AGAP1: variants seen among roughly 807,000 people sequenced by gnomAD.
AGAP1 encodes the protein arf-GAP with GTPase, ANK repeat and PH domain-containing protein 1.
Under a neutral mutation model 105.3 loss-of-function variants are expected in AGAP1, and 29 were observed. The observed-to-expected ratio is 0.28, with a 90% confidence interval of 0.21 to 0.38. AGAP1 has a LOEUF of 0.38. Ranked by LOEUF, AGAP1 falls within the 10% of genes least tolerant of loss-of-function variation. The pLI is 1.00. For synonymous variants in AGAP1, 509 were observed against 485.9 expected, an observed-to-expected ratio of 1.05 and a Z score of -0.63; for missense variants, 998 against 1,165.1, an observed-to-expected ratio of 0.86 and a Z score of 2.09.
intron 6 of AGAP1, among the ~76,000 whole-genome samples, chr2:235,785,364 A>G (rs550659488): frequency 6.6e-6 from 1 of 152,330 alleles, no homozygotes; most frequent in South Asian, 2.1e-4. Context: ...TGTTAAGCCT[A>G]TATTAATCAA....
intron 9 of AGAP1, among the ~76,000 whole-genome samples, chr2:235,837,531 C>G (rs1282362111): frequency 6.6e-6 from 1 of 151,898 alleles, no homozygotes; most frequent in Non-Finnish European, 1.5e-5. Flanking sequence ...CAGGCAAACC[C>G]CTAGACCTCT....
At chr2:235,722,160 C>A (rs1410034237) in intron 3 of AGAP1, among the ~76,000 whole-genome samples, 2 of 152,282 alleles carry the variant, frequency 1.3e-5, no homozygotes, top group East Asian at 1.9e-4. Flanking sequence ...CGTGCTCACA[C>A]GTGTGTGTGC....
chr2:235,771,182 G>A (rs1955415070), intron 6 of AGAP1, among the ~76,000 whole-genome samples: 1 of 152,234 alleles, frequency 6.6e-6, no homozygotes, highest in Admixed American at 6.5e-5. Context: ...TTGGCGTCCA[G>A]AACTTTGAGA....
At chr2:235,861,188 C>G (rs1161319501) in intron 9 of AGAP1, among the ~76,000 whole-genome samples, 3 of 152,326 alleles carry the variant, frequency 2.0e-5, no homozygotes, top group Non-Finnish European at 1.5e-5. Context: ...GATTAACAAT[C>G]AACTTCTATA....
intron 1 of AGAP1, among the ~76,000 whole-genome samples, chr2:235,629,863 CAAAAAAAAAAA>C (rs10691632): frequency 3.1e-5 from 3 of 95,660 alleles, no homozygotes; most frequent in South Asian, 7.8e-4. Context: ...GACCCTGTCT[CAAAAAAAAAAA>C]AAAAAAAAAG....
Position 235,744,614 on chromosome 2 carries a change from C to CT in AGAP1, c.397-83dup. Reference sequence around the variant, plus strand: ...CCGAGGGGATTCCTGCAGCCCCCTGCTGCCTGCCGCCATGCAGACATCTCT... The same window carrying CT: ...CCGAGGGGATTCCTGCAGCCCCCTGCTTGCCTGCCGCCATGCAGACATCTCT... On this transcript the variant is annotated intron_variant, in intron 4 of 17. Coordinates refer to ENST00000304032, the MANE Select transcript of AGAP1 (RefSeq NM_001037131.3). The surrounding 1 kb of genome is among the most constrained non-coding windows in gnomAD (Gnocchi z 5.2). The CT allele has an allele frequency of 6.5e-7, 1 of 1,549,868 alleles. No homozygotes were observed. Among genetic ancestry groups the CT allele is most frequent in the Admixed American group, 1.7e-5 (1 of 58,466 alleles).
chr2:235,762,051 G>T (rs746205752), intron 6 of AGAP1, among the ~76,000 whole-genome samples: 1 of 150,882 alleles, frequency 6.6e-6, no homozygotes, highest in Non-Finnish European at 1.5e-5. Flanking sequence ...GGAAGTTCCA[G>T]TGAGCCGAGA....
chr2:236,088,553 G>A (rs758622601), intron 16 of AGAP1, among the ~76,000 whole-genome samples: 1 of 152,198 alleles, frequency 6.6e-6, no homozygotes, highest in South Asian at 2.1e-4. Context: ...TTAAATGTTG[G>A]TTCAGTGACT....
rs1227141405 is a variant in AGAP1, at chr2:235,712,218, C to T, written c.222+2981C>T. 9.9e-5 allele frequency among the ~76,000 whole-genome samples: 15 copies of T among 152,168 alleles called. No homozygotes were observed. The highest frequency in any genetic ancestry group is 9.8e-4 in the Admixed American group (15 of 15,276). On this transcript the variant is annotated intron_variant, in intron 2 of 17. Transcript: ENST00000304032. The surrounding 1 kb of genome is among the most constrained non-coding windows in gnomAD (Gnocchi z 6.0). ...TTTATTTTTAGTAGACAAGATTTTA[C>T]CATGTTGGCCAGGCTATGCTCAAAC... is the stretch of plus-strand genomic sequence containing the variant.
At chr2:235,525,464 G>GTGGAGGACTGATACATAACA (rs1942795957) in intron 1 of AGAP1, among the ~76,000 whole-genome samples, 1 of 151,946 alleles carries the variant, frequency 6.6e-6, no homozygotes, top group Non-Finnish European at 1.5e-5. Flanking sequence ...GATACATAAC[G>GTGGAGGACTGATACATAACA]TGGAGGACTG....
chr2:235,691,362 G>T lies in AGAP1; in HGVS notation c.164-17817G>T, dbSNP rs565253409. Among the ~76,000 whole-genome samples, 1 of 152,390 alleles carries T rather than the reference G, an allele frequency of 6.6e-6. No individual in the cohort carries two copies. Among genetic ancestry groups the T allele is most frequent in the African/African-American group, 2.4e-5 (1 of 41,600 alleles). On this transcript the variant is annotated intron_variant, in intron 1 of 17. Transcript: ENST00000304032. The surrounding 1 kb of genome is among the most constrained non-coding windows in gnomAD (Gnocchi z 4.4). ...CACACGTTGGTAATGGCCAATGGTT[G>T]CCAGTGCCTTACTTTTGGAGACAGG...
rs866168382 is a variant in AGAP1, at chr2:236,002,777, A to G, written c.1646-33784A>G. On this transcript the variant is annotated intron_variant, in intron 13 of 17. Transcript: ENST00000304032. The surrounding 1 kb of genome is among the most constrained non-coding windows in gnomAD (Gnocchi z 4.3). ...ACCAAAAGTTTCAGAAGTCCAATTC[A>G]TTATTAGATTTCTATAAATATAAAT... Among the ~76,000 whole-genome samples the G allele has an allele frequency of 6.6e-6, 1 of 152,178 alleles. No individual in the cohort carries two copies. The highest frequency in any genetic ancestry group is 1.5e-5 in the Non-Finnish European group (1 of 68,036).
chr2:235,573,515 TAGTC>T (rs1315682018), intron 1 of AGAP1, among the ~76,000 whole-genome samples: 1 of 152,212 alleles, frequency 6.6e-6, no homozygotes, highest in African/African-American at 2.4e-5. Context: ...AATTCTTATT[TAGTC>T]AGTGTGTATA....
intron 16 of AGAP1, among the ~76,000 whole-genome samples, chr2:236,116,559 G>A (rs1419260415): frequency 1.3e-5 from 2 of 151,942 alleles, no homozygotes; most frequent in Non-Finnish European, 2.9e-5. Context: ...ATGTTGGCCA[G>A]GCTGGTCTCA....
chr2:235,541,028 A>T (rs1372760193), intron 1 of AGAP1, among the ~76,000 whole-genome samples: 1 of 152,232 alleles, frequency 6.6e-6, no homozygotes, highest in African/African-American at 2.4e-5. Flanking sequence ...TAAAAAAGGG[A>T]GTATAACCAT....
At chr2:236,013,476 T>C (rs529448783) in intron 13 of AGAP1, among the ~76,000 whole-genome samples, 1 of 152,258 alleles carries the variant, frequency 6.6e-6, no homozygotes, top group East Asian at 1.9e-4. Flanking sequence ...AGGAACACGT[T>C]GGGGTTGATT....
chr2:236,063,051 G>A (rs1405950149), intron 16 of AGAP1, among the ~76,000 whole-genome samples: 1 of 152,118 alleles, frequency 6.6e-6, no homozygotes. Flanking sequence ...GCCTCCCAAA[G>A]CGCTGGGATT....
intron 1 of AGAP1, among the ~76,000 whole-genome samples, chr2:235,571,333 C>CT (rs1944507547): frequency 6.6e-6 from 1 of 152,210 alleles, no homozygotes; most frequent in South Asian, 2.1e-4. Flanking sequence ...ATGATTGTCT[C>CT]TATGTGCTGT....
At position 236,123,809 on chromosome 2, in the gene AGAP1, G is replaced by T. The variant is rs182878938; in HGVS notation, c.2371-110G>T. 931 of 1,346,184 alleles carry T rather than the reference G, an allele frequency of 6.9e-4. 10 individuals carry two copies. The African/African-American group carries it at 0.011, about 16-fold the overall frequency. 83.4% of individuals were successfully genotyped at this position (1,346,184 alleles called of 1,614,324 possible). Reference sequence around the variant, plus strand: ...GGCACCCCAGCCAGTTGTGTAGCTGGCCCCGCTGTCCAAGCACAAGCCACA... The same window carrying T: ...GGCACCCCAGCCAGTTGTGTAGCTGTCCCCGCTGTCCAAGCACAAGCCACA... On this transcript the variant is annotated intron_variant, in intron 17 of 17. Transcript: ENST00000304032. This position sits in a 1 kb window ranked among gnomAD's most constrained non-coding sequence, Gnocchi z 4.6.
Sources: allele counts gnomAD v4.1 joint callset (sites outside exome capture counted in the v4.1 genomes callset), GRCh38; gene constraint gnomAD v4.1.1; non-coding constraint Gnocchi (gnomAD v3.1); transcripts MANE v1.5; gene names NCBI Gene and HGNC (gene_info 2026-07-23, HGNC 2026-07-21).